The following CEP57 variants were observed in gnomAD, a reference collection of about 807,000 sequenced individuals.
The protein encoded by CEP57 is centrosomal protein of 57 kDa.
CEP57 carries 40 observed loss-of-function variants against 68.0 expected under a neutral mutation model. The ratio of observed to expected loss-of-function variants is 0.59; its 90% CI spans 0.46 to 0.77. The LOEUF is 0.77. Among genes scored for constraint, CEP57 ranks in the 30% least tolerant of loss-of-function variants. The pLI, the probability that CEP57 is intolerant of heterozygous loss-of-function variation, is 0.00. For missense variants in CEP57, 606 were observed against 580.7 expected, an observed-to-expected ratio of 1.04 and a Z score of -0.45; for synonymous variants, 219 against 198.7, an observed-to-expected ratio of 1.10 and a Z score of -0.86.
At chr11:95,814,097 G>T (rs1286057056) in intron 4 of CEP57, among the ~76,000 whole-genome samples, 1 of 151,562 alleles carries the variant, frequency 6.6e-6, no homozygotes, top group Non-Finnish European at 1.5e-5. Context: ...CTGTCACCCA[G>T]GCTGGAGTGT....
chr11:95,821,848 C>A, intron 6 of CEP57, 23 bp from the exon 7 acceptor site: 1 of 1,490,384 alleles, frequency 6.7e-7, no homozygotes, highest in Non-Finnish European at 9.4e-7. Flanking sequence ...ACAGCATTAA[C>A]TTGAGGCTCT....
chr11:95,806,873 G>A (rs1861825796), intron 2 of CEP57, among the ~76,000 whole-genome samples: 1 of 152,158 alleles, frequency 6.6e-6, no homozygotes, highest in Non-Finnish European at 1.5e-5. Context: ...GAGAGCAGTG[G>A]TTTTCCCAGC....
chr11:95,823,383 A>G (rs1482846688), intron 8 of CEP57, among the ~76,000 whole-genome samples: 1 of 152,126 alleles, frequency 6.6e-6, no homozygotes, highest in Non-Finnish European at 1.5e-5. Context: ...TTTTTTTTCA[A>G]TAAGTATCTT....
chr11:95,813,597 A>G lies in CEP57; in HGVS notation c.504+8A>G. The G allele has an allele frequency of 6.2e-7, 1 of 1,612,388 alleles. No individual in the cohort carries two copies. The highest frequency in any genetic ancestry group is 1.1e-5 in the South Asian group (1 of 91,074). ...TCTGTCTTAGAGAAACAAGTAAGTA[A>G]AGCACCTCACAGATTGATACTCAAG... is the stretch of plus-strand genomic sequence containing the variant. On this transcript the variant is annotated splice_region_variant and intron_variant, in intron 4 of 10. Transcript: ENST00000325542.
Position 95,831,083 on chromosome 11 carries a change from C to T in CEP57, c.1330C>T (p.Leu444Phe). ...GGAATTAAAAGCTACCAAAAAGACT[C>T]TTGATGAAGAAAGAAACAGCAGCAG... ...KKELKATKKT[L>F]DEERNSSSRS... Residue 444 changes from leucine to phenylalanine, a missense_variant, in exon 11 of 11, where the codon CTT becomes TTT. Leu to Phe is a conservative substitution (Grantham distance 22). Coordinates refer to ENST00000325542, the MANE Select transcript of CEP57 (RefSeq NM_014679.5). The T allele has an allele frequency of 6.2e-7, 1 of 1,613,424 alleles. No individual in the cohort carries two copies. The highest frequency in any genetic ancestry group is 8.5e-7 in the Non-Finnish European group (1 of 1,179,658).
intron 4 of CEP57, among the ~76,000 whole-genome samples, chr11:95,814,054 T>A (rs564191719): frequency 1.0e-4 from 14 of 139,920 alleles, no homozygotes; most frequent in African/African-American, 3.4e-4. Context: ...ATATATTGAT[T>A]GATCAATTGA....
chr11:95,800,130 TGTTTAGA>T (rs1248379003), intron 2 of CEP57, among the ~76,000 whole-genome samples: 1 of 152,224 alleles, frequency 6.6e-6, no homozygotes, highest in Non-Finnish European at 1.5e-5. Flanking sequence ...CTGGGTCCTC[TGTTTAGA>T]GCCTTACAAG....
chr11:95,799,631 A>G (rs185577860), intron 2 of CEP57, among the ~76,000 whole-genome samples: 138 of 152,280 alleles, frequency 9.1e-4, no homozygotes, highest in African/African-American at 2.9e-3. Flanking sequence ...AATCCCCACT[A>G]TTAGTCCGGA....
At chr11:95,805,227 A>G (rs1457820927) in intron 2 of CEP57, among the ~76,000 whole-genome samples, 1 of 152,218 alleles carries the variant, frequency 6.6e-6, no homozygotes, top group African/African-American at 2.4e-5. Flanking sequence ...AACTCAATGG[A>G]TATTAAAGGA....
At chr11:95,791,833 A>G (rs1447772216) in intron 1 of CEP57, among the ~76,000 whole-genome samples, 2 of 152,206 alleles carry the variant, frequency 1.3e-5, no homozygotes, top group East Asian at 3.8e-4. Context: ...AGGTGCTTTT[A>G]GGAAACTTGA....
At chr11:95,797,344 TTTAG>T (rs1861394186) in intron 1 of CEP57, among the ~76,000 whole-genome samples, 2 of 152,124 alleles carry the variant, frequency 1.3e-5, no homozygotes, top group South Asian at 4.2e-4. Flanking sequence ...TTCTTTGTAT[TTTAG>T]TTAGAGACAG....
intron 6 of CEP57, among the ~76,000 whole-genome samples, chr11:95,819,527 TACAGAC>T (rs1400969350): frequency 6.6e-6 from 1 of 152,202 alleles, no homozygotes. Context: ...AAGTCTGACT[TACAGAC>T]TCAGTAAAAT....
chr11:95,813,341 GA>G, intron 3 of CEP57, 126 bp from the exon 4 acceptor site: 4 of 1,205,490 alleles, frequency 3.3e-6, no homozygotes, highest in Admixed American at 2.2e-5. Flanking sequence ...TAGGTAATCT[GA>G]AAAGGCGTCC....
chr11:95,812,566 C>T (rs1330325040), intron 2 of CEP57, among the ~76,000 whole-genome samples: 1 of 151,946 alleles, frequency 6.6e-6, no homozygotes, highest in Non-Finnish European at 1.5e-5. Flanking sequence ...CCTCAGCCTC[C>T]CGAGTAGCTG....
At position 95,831,169 on chromosome 11, in the gene CEP57, A is replaced by T; in HGVS notation, c.1416A>T (p.Glu472Asp). Residue 472 changes from glutamate (E) to aspartate (D), a missense_variant, in exon 11 of 11, where the codon GAA becomes GAT. By Grantham distance (45) the Glu-to-Asp change is conservative (BLOSUM62 2). Coordinates refer to ENST00000325542, the MANE Select transcript of CEP57 (RefSeq NM_014679.5). ...KKDFMKLRPG[E>D]KRRKNLQLLK... The stretch of plus-strand genomic sequence containing the variant: ...ATTTTATGAAACTGAGACCTGGAGA[A>T]AAAAGGAGAAAAAATCTTCAGTTAT... The T allele has an allele frequency of 6.2e-7, 1 of 1,613,538 alleles. No individual in the cohort carries two copies. Among genetic ancestry groups the T allele is most frequent in the Non-Finnish European group, 8.5e-7 (1 of 1,179,636 alleles).
intron 1 of CEP57, among the ~76,000 whole-genome samples, chr11:95,796,086 AC>A: frequency 6.6e-6 from 1 of 152,134 alleles, no homozygotes; most frequent in Non-Finnish European, 1.5e-5. Flanking sequence ...GTTCCCACCT[AC>A]TGTTTTGTAT....
At chr11:95,809,418 G>T (rs1043952878) in intron 2 of CEP57, among the ~76,000 whole-genome samples, 4 of 152,156 alleles carry the variant, frequency 2.6e-5, no homozygotes, top group African/African-American at 9.7e-5. Context: ...CCAGGAGCTG[G>T]TTTTTTGAAA....
At chr11:95,828,170 C>T (rs567468497) in intron 9 of CEP57, 143 bp downstream of exon 9, 2 of 925,560 alleles carry the variant, frequency 2.2e-6, no homozygotes, top group African/African-American at 3.4e-5. Context: ...GTTACTGGGA[C>T]TTTAACAAAT....
intron 2 of CEP57, among the ~76,000 whole-genome samples, chr11:95,802,255 AT>A (rs1054489399): frequency 0.025 from 3,392 of 138,222 alleles, 34 homozygotes; most frequent in South Asian, 0.064. Flanking sequence ...ACGTGACATG[AT>A]TTTTTTTTTT....
Sources: gnomAD v4.1 joint callset for allele counts (sites outside exome capture counted in the v4.1 genomes callset) on GRCh38, gnomAD v4.1.1 for gene constraint, MANE v1.5 for transcripts, NCBI Gene and HGNC (gene_info 2026-07-23, HGNC 2026-07-21) for gene names.